BCKDHB: variants seen among roughly 807,000 people sequenced by gnomAD.
BCKDHB encodes 2-oxoisovalerate dehydrogenase subunit beta, mitochondrial.
A neutral mutation model predicts 48.5 loss-of-function variants in BCKDHB; 41 were observed. That is an observed-to-expected ratio of 0.85 (90% confidence interval 0.66 to 1.10). BCKDHB has a LOEUF of 1.10. BCKDHB is among the 50% of genes least tolerant of loss of function. The pLI is 0.00. For missense variants in BCKDHB, 496 were observed against 494.2 expected (o/e 1.00, Z -0.03); for synonymous variants, 201 against 174.8 (o/e 1.15, Z -1.18).
intron 1 of BCKDHB, 164 bp from the exon 2 acceptor site, chr6:80,127,383 G>A: frequency 1.5e-6 from 1 of 654,762 alleles, no homozygotes; most frequent in South Asian, 1.8e-5. Context: ...CTCCAGGTCT[G>A]TATTGCTTTT....
rs150298753 is a variant in BCKDHB, at chr6:80,166,076, G to A, written c.344-1602G>A. ...CTTTTGCAGGACAAGGCTTATGAACGTCATGGTCATCCACTGGGCTTAATT... is the reference window on the plus strand; with the variant it reads ...CTTTTGCAGGACAAGGCTTATGAACATCATGGTCATCCACTGGGCTTAATT... On this transcript the variant is annotated intron_variant, in intron 3 of 9. Coordinates refer to ENST00000320393, the MANE Select transcript of BCKDHB (RefSeq NM_183050.4). Among the ~76,000 whole-genome samples, 613 of 152,258 alleles carry A rather than the reference G, an allele frequency of 4.0e-3. 2 individuals carry two copies. The highest frequency in any genetic ancestry group is 6.1e-3 in the Admixed American group (94 of 15,294).
the BCKDHB span, among the ~76,000 whole-genome samples, chr6:80,444,248 C>T: frequency 2.0e-5 from 3 of 150,824 alleles, no homozygotes; most frequent in East Asian, 1.9e-4. Flanking sequence ...TTGGAAGTCA[C>T]GGAAGAGTTT....
intron 9 of BCKDHB, among the ~76,000 whole-genome samples, chr6:80,286,696 T>G (rs1766640832): frequency 6.6e-6 from 1 of 152,190 alleles, no homozygotes; most frequent in South Asian, 2.1e-4. Context: ...TTGAAAGTTT[T>G]TTGCCTTTCA....
At chr6:80,115,195 C>G (rs1418771150) in intron 1 of BCKDHB, among the ~76,000 whole-genome samples, 1 of 152,088 alleles carries the variant, frequency 6.6e-6, no homozygotes, top group African/African-American at 2.4e-5. Context: ...AGTGCAGTGG[C>G]TATTCACAGC....
chr6:80,290,335 A>G (rs190848130), intron 9 of BCKDHB, among the ~76,000 whole-genome samples: 1 of 152,298 alleles, frequency 6.6e-6, no homozygotes, highest in East Asian at 1.9e-4. Flanking sequence ...GCAGCCCCTG[A>G]TCAAGAAGGC....
At chr6:80,210,290 G>A (rs1774863408) in intron 8 of BCKDHB, among the ~76,000 whole-genome samples, 1 of 151,998 alleles carries the variant, frequency 6.6e-6, no homozygotes, top group African/African-American at 2.4e-5. Context: ...AAAATGTAAT[G>A]GAATAATGTA....
intron 8 of BCKDHB, among the ~76,000 whole-genome samples, chr6:80,204,588 T>C (rs1774548998): frequency 6.6e-6 from 1 of 151,904 alleles, no homozygotes; most frequent in Non-Finnish European, 1.5e-5. Flanking sequence ...GGGGATATGA[T>C]GTTTTATGAT....
the BCKDHB span, among the ~76,000 whole-genome samples, chr6:80,425,593 T>C: frequency 3.3e-5 from 5 of 152,186 alleles, no homozygotes; most frequent in African/African-American, 1.2e-4. Flanking sequence ...TATTTTGTTC[T>C]AGAGGAGGAC....
intron 8 of BCKDHB, among the ~76,000 whole-genome samples, chr6:80,246,448 G>T (rs988467898): frequency 3.3e-5 from 5 of 152,172 alleles, no homozygotes; most frequent in African/African-American, 1.2e-4. Flanking sequence ...GTTACTCCTT[G>T]CTGTTTCATT....
chr6:80,167,038 C>T (rs1772610663), intron 3 of BCKDHB, among the ~76,000 whole-genome samples: 1 of 152,020 alleles, frequency 6.6e-6, no homozygotes, highest in African/African-American at 2.4e-5. Context: ...AGTTGTGTTG[C>T]TTTTTTCCAT....
At chr6:80,156,762 G>A (rs1271373918) in intron 3 of BCKDHB, among the ~76,000 whole-genome samples, 1 of 152,078 alleles carries the variant, frequency 6.6e-6, no homozygotes, top group African/African-American at 2.4e-5. Flanking sequence ...TCATTAGAAT[G>A]ATTAAAGTAA....
At chr6:80,244,017 A>G (rs1356899418) in intron 8 of BCKDHB, among the ~76,000 whole-genome samples, 2 of 152,240 alleles carry the variant, frequency 1.3e-5, no homozygotes, top group African/African-American at 4.8e-5. Flanking sequence ...AAGCTCTCAA[A>G]GTACCTAAGA....
chr6:80,155,455 G>T (rs1220266039), intron 3 of BCKDHB, among the ~76,000 whole-genome samples: 1 of 152,136 alleles, frequency 6.6e-6, no homozygotes. Flanking sequence ...GTATCAAGCT[G>T]CCAGTTACTG....
At chr6:80,401,647 A>G in the BCKDHB span, among the ~76,000 whole-genome samples, 8 of 151,814 alleles carry the variant, frequency 5.3e-5, no homozygotes, top group African/African-American at 1.7e-4. Flanking sequence ...TGGTATTCTT[A>G]GCTATAGGCA....
chr6:80,106,974 G>A (rs920338941), intron 1 of BCKDHB, 85 bp downstream of exon 1: 80 of 1,496,648 alleles, frequency 5.3e-5, no homozygotes, highest in Non-Finnish European at 7.0e-5. Context: ...GGGCCGGCAG[G>A]CTGCAATCCT....
rs970365846 is a variant in BCKDHB at position 80,343,757 on chromosome 6, G to A, written c.1132G>A (p.Asp378Asn). The A allele has an allele frequency of 1.9e-6, 3 of 1,613,894 alleles. No individual in the cohort carries two copies. Among genetic ancestry groups the A allele is most frequent in the Non-Finnish European group, 2.5e-6 (3 of 1,179,960 alleles). ...PHIFEPFYIP[D>N]KWKCYDALRK... ...CATTTTTGAACCATTCTACATCCCA[G>A]ACAAATGGAAGTGTTATGATGCCCT... is the stretch of plus-strand genomic sequence containing the variant. The change falls in exon 10 of 10, where the codon GAC becomes AAC. Residue 378 changes from aspartate to asparagine, a missense_variant. Transcript: ENST00000320393.
Position 80,231,926 on chromosome 6 carries a change from C to T in BCKDHB, c.951+28714C>T, listed in dbSNP as rs1443817122. 2.0e-5 allele frequency among the ~76,000 whole-genome samples: 3 copies of T among 152,206 alleles called. No individual in the cohort carries two copies. The East Asian group carries it at 5.8e-4, about 29-fold the overall frequency. ...GTTGCAATGAGCCGAGATTGCGCCA[C>T]TGCACTCCAGCCAGGGTCACAGGGC... On this transcript the variant is annotated intron_variant, in intron 8 of 9. Coordinates refer to ENST00000320393, the MANE Select transcript of BCKDHB (RefSeq NM_183050.4).
At chr6:80,182,603 A>G (rs1008258541) in intron 6 of BCKDHB, among the ~76,000 whole-genome samples, 1 of 152,098 alleles carries the variant, frequency 6.6e-6, no homozygotes, top group Non-Finnish European at 1.5e-5. Flanking sequence ...CCCTTTTCCT[A>G]CTGGCTCACT....
chr6:80,191,394 T>C (rs1773887956), intron 6 of BCKDHB, among the ~76,000 whole-genome samples: 1 of 152,192 alleles, frequency 6.6e-6, no homozygotes, highest in South Asian at 2.1e-4. Context: ...GGGGGAATTG[T>C]TGCTCCTCAT....
Sources: gnomAD v4.1 joint callset for allele counts (sites outside exome capture counted in the v4.1 genomes callset) on GRCh38, gnomAD v4.1.1 for gene constraint, MANE v1.5 for transcripts, NCBI Gene and HGNC (gene_info 2026-07-23, HGNC 2026-07-21) for gene names.